The following CPVL variants were observed in gnomAD, a reference collection of about 807,000 sequenced individuals.
The protein encoded by CPVL is probable serine carboxypeptidase CPVL.
In CPVL, 51 loss-of-function variants were observed where a neutral mutation model predicts 63.7. The ratio of observed to expected loss-of-function variants is 0.80; its 90% CI spans 0.64 to 1.01. CPVL has a LOEUF of 1.01. Ranked by LOEUF, CPVL falls within the 50% of genes least tolerant of loss-of-function variation. The pLI is 0.00. For missense variants in CPVL, 530 were observed against 573.1 expected, an observed-to-expected ratio of 0.92 and a Z score of 0.77; for synonymous variants, 195 against 206.0, an observed-to-expected ratio of 0.95 and a Z score of 0.46.
chr7:29,067,365 A>T (rs567078928), intron 9 of CPVL, among the ~76,000 whole-genome samples: 1 of 152,312 alleles, frequency 6.6e-6, no homozygotes, highest in African/African-American at 2.4e-5. Context: ...AGGGGTTGGT[A>T]GGCAGACACA....
At chr7:29,071,389 C>A (rs891922657) in intron 9 of CPVL, among the ~76,000 whole-genome samples, 1 of 152,168 alleles carries the variant, frequency 6.6e-6, no homozygotes, top group Admixed American at 6.5e-5. Flanking sequence ...GGATATAAAA[C>A]TCTTCTACAT....
chr7:29,180,388 G>A (rs146726909), intron 5 of CPVL, among the ~76,000 whole-genome samples: 1,957 of 152,054 alleles, frequency 0.013, 36 homozygotes, highest in East Asian at 0.06. Context: ...TTAGCCAGGC[G>A]TGGTGGCACA....
chr7:29,035,683 A>T (rs607432), intron 11 of CPVL, among the ~76,000 whole-genome samples: 2,211 of 152,158 alleles, frequency 0.015, 57 homozygotes, highest in African/African-American at 0.051. Context: ...TACCCCATAA[A>T]ACCGATGGAC....
chr7:29,153,863 C>T (rs1256054662), intron 5 of CPVL, among the ~76,000 whole-genome samples: 1 of 152,182 alleles, frequency 6.6e-6, no homozygotes, highest in Non-Finnish European at 1.5e-5. Flanking sequence ...AGCCACCGCA[C>T]CTGGCCTCCC....
chr7:29,062,480 G>A lies in CPVL; in HGVS notation c.1137+1581C>T, dbSNP rs558287593. The stretch of plus-strand genomic sequence containing the variant: ...TCCAAGAAAGTAAGTATTTCATCAA[G>A]TTTTGCAGGTTTATAATGGGTTTGT... On this transcript the variant is annotated intron_variant, in intron 11 of 12. Coordinates refer to ENST00000265394, the MANE Select transcript of CPVL (RefSeq NM_031311.5). Among the ~76,000 whole-genome samples the A allele has an allele frequency of 6.6e-5, 10 of 152,300 alleles. No homozygotes were observed. In the South Asian group the frequency reaches 2.1e-3, roughly 32 times the overall value.
intron 3 of CPVL, among the ~76,000 whole-genome samples, chr7:29,102,292 C>T (rs1384716250): frequency 6.6e-6 from 1 of 152,098 alleles, no homozygotes; most frequent in Non-Finnish European, 1.5e-5. Flanking sequence ...AGAACAGTGC[C>T]TGGCACATCT....
intron 12 of CPVL, among the ~76,000 whole-genome samples, chr7:29,019,841 G>C (rs538253433): frequency 6.6e-6 from 1 of 152,328 alleles, no homozygotes; most frequent in East Asian, 1.9e-4. Flanking sequence ...AAGGGGGAAG[G>C]ATCTTTGCCA....
At chr7:29,152,024 A>C (rs1326255264) in intron 5 of CPVL, among the ~76,000 whole-genome samples, 1 of 152,178 alleles carries the variant, frequency 6.6e-6, no homozygotes, top group Non-Finnish European at 1.5e-5. Context: ...TTCGAATGGA[A>C]ATAGTGGTTA....
In CPVL at chr7:29,120,911, C is replaced by T. The variant is rs1263340709; in HGVS notation, c.151G>A (p.Ala51Thr). Reference sequence around the variant, plus strand: ...TACTTACCTTTTTGGATCTTCCCAGCTTCAATGTAAGGGGTGAGAAATAAT... The same window carrying T: ...TACTTACCTTTTTGGATCTTCCCAGTTTCAATGTAAGGGGTGAGAAATAAT... ...QPLFLTPYIE[A>T]GKIQKGRELS... Residue 51 changes from alanine to threonine, a missense_variant, in exon 2 of 13, where the codon GCT becomes ACT. Physicochemically the swap from Ala to Thr is moderately conservative, Grantham distance 58. Transcript: ENST00000265394. The T allele has an allele frequency of 1.2e-6, 2 of 1,613,176 alleles. No individual in the cohort carries two copies. The highest frequency in any genetic ancestry group is 8.5e-7 in the Non-Finnish European group (1 of 1,179,700).
chr7:29,065,900 G>C (rs184327385), intron 10 of CPVL, 123 bp downstream of exon 10: 1 of 570,470 alleles, frequency 1.8e-6, no homozygotes, highest in East Asian at 2.9e-5. Context: ...ACCACATCAC[G>C]CGGTACAGTT....
chr7:29,166,619 A>G (rs1795950217), intron 5 of CPVL, among the ~76,000 whole-genome samples: 1 of 152,038 alleles, frequency 6.6e-6, no homozygotes, highest in Admixed American at 6.5e-5. Flanking sequence ...GAATTTGTCC[A>G]TTTTATCTAA....
At chr7:29,165,166 T>C (rs866798043) in intron 5 of CPVL, among the ~76,000 whole-genome samples, 1 of 152,144 alleles carries the variant, frequency 6.6e-6, no homozygotes, top group East Asian at 1.9e-4. Flanking sequence ...CTAAATAATA[T>C]AGTTTTTGAT....
At chr7:29,007,782 G>A (rs1424406893) in intron 12 of CPVL, among the ~76,000 whole-genome samples, 1 of 151,954 alleles carries the variant, frequency 6.6e-6, no homozygotes, top group Non-Finnish European at 1.5e-5. Flanking sequence ...CACAGTCAGA[G>A]GCAAAGGAGA....
intron 1 of CPVL, among the ~76,000 whole-genome samples, chr7:29,133,713 A>G (rs1166600749): frequency 6.6e-6 from 1 of 152,254 alleles, no homozygotes; most frequent in East Asian, 1.9e-4. Flanking sequence ...GACATTTTTT[A>G]AAGTTATAAA....
intron 7 of CPVL, among the ~76,000 whole-genome samples, chr7:29,077,821 C>T (rs1008986212): frequency 6.6e-6 from 1 of 152,172 alleles, no homozygotes; most frequent in Non-Finnish European, 1.5e-5. Context: ...ACACACTGAA[C>T]ACCCCAGGAA....
chr7:29,035,680 T>C (rs1788460251), intron 11 of CPVL, among the ~76,000 whole-genome samples: 1 of 152,164 alleles, frequency 6.6e-6, no homozygotes, highest in Admixed American at 6.5e-5. Context: ...TGGTACCCCA[T>C]AAAACCGATG....
At chr7:29,100,421 G>A (rs547976230) in intron 3 of CPVL, among the ~76,000 whole-genome samples, 1 of 152,282 alleles carries the variant, frequency 6.6e-6, no homozygotes, top group South Asian at 2.1e-4. Flanking sequence ...GTTCTAATGT[G>A]CAGGCGGCGC....
intron 2 of CPVL, among the ~76,000 whole-genome samples, chr7:29,120,170 C>T (rs769700389): frequency 8.5e-5 from 13 of 152,104 alleles, no homozygotes; most frequent in Non-Finnish European, 8.8e-5. Flanking sequence ...GCCTATAATC[C>T]CAGCACTTTT....
At chr7:29,091,033 T>C (rs1435978783) in intron 6 of CPVL, among the ~76,000 whole-genome samples, 1 of 152,178 alleles carries the variant, frequency 6.6e-6, no homozygotes, top group African/African-American at 2.4e-5. Context: ...GGGAAATGAA[T>C]AGTGTAAACT....
Sources: allele counts gnomAD v4.1 joint callset (sites outside exome capture counted in the v4.1 genomes callset), GRCh38; gene constraint gnomAD v4.1.1; transcripts MANE v1.5; gene names NCBI Gene and HGNC (gene_info 2026-07-23, HGNC 2026-07-21).